Variants in GCNT2 observed in about 807,000 individuals in gnomAD.
GCNT2 encodes the protein glucosaminyl (N-acetyl) transferase 2 (I blood group).
Under a neutral mutation model 34.2 loss-of-function variants are expected in GCNT2, and 34 were observed. That is an observed-to-expected ratio of 1.00 (90% CI 0.76 to 1.32). The LOEUF (loss-of-function observed/expected upper bound fraction) is 1.32. GCNT2 is among the 40% of genes most tolerant of loss of function. The probability of loss-of-function intolerance (pLI) is 0.00; values close to 1 mark genes in which losing one functional copy is unlikely to be tolerated. For synonymous variants in GCNT2, 212 were observed against 188.0 expected (o/e 1.13, Z -1.04); for missense variants, 584 against 489.4 (o/e 1.19, Z -1.82).
rs114408912 is a variant in GCNT2 at position 10,601,032 on chromosome 6, T to G, written c.926-20319T>G. Among the ~76,000 whole-genome samples, 1,156 of 152,278 alleles carry G rather than the reference T, an allele frequency of 7.6e-3. 8 individuals carry two copies. The highest frequency in any genetic ancestry group is 0.012 in the Non-Finnish European group (823 of 68,026). ...GTCTTGAACTCCTGGACCCAAGCAA[T>G]TCACCTGCCTTGGCCTCCCTAAGTG... On this transcript the variant is annotated intron_variant, in intron 3 of 4. Coordinates refer to ENST00000495262, the MANE Select transcript of GCNT2 (RefSeq NM_145649.5).
rs965205115 is a variant in GCNT2, at chr6:10,578,668, A to G, written c.926-42683A>G. On this transcript the variant is annotated intron_variant, in intron 3 of 4. Transcript: ENST00000495262. The stretch of plus-strand genomic sequence containing the variant: ...TCATCGTGTTAGCCAGGATGGTCTC[A>G]ATCTCCTGACCTCGTGATCCGCCTG... Among the ~76,000 whole-genome samples, 4 of 152,008 alleles carry G rather than the reference A, an allele frequency of 2.6e-5. 1 individual carries two copies. The highest frequency in any genetic ancestry group is 1.3e-4 in the Admixed American group (2 of 15,260).
At chr6:10,575,618 G>C (rs1763772285) in intron 3 of GCNT2, among the ~76,000 whole-genome samples, 1 of 152,164 alleles carries the variant, frequency 6.6e-6, no homozygotes, top group Non-Finnish European at 1.5e-5. Context: ...TATATGCCCA[G>C]ATGGCCTGAA....
intron 3 of GCNT2, among the ~76,000 whole-genome samples, chr6:10,617,772 T>TTTTTTTTTTTGA (rs1491521376): frequency 1.1e-5 from 1 of 91,424 alleles, no homozygotes; most frequent in African/African-American, 3.2e-5. Flanking sequence ...TTTTTTTTTT[T>TTTTTTTTTTTGA]GACACAGGGT....
intron 3 of GCNT2, chr6:10,586,316 CT>C (rs768423930): frequency 1.9e-6 from 3 of 1,614,156 alleles, no homozygotes; most frequent in Non-Finnish European, 2.5e-6. Flanking sequence ...ACTTTGACAC[CT>C]TTGAAAGGCT....
At chr6:10,562,949 G>A (rs767541611) in intron 3 of GCNT2, among the ~76,000 whole-genome samples, 23 of 152,074 alleles carry the variant, frequency 1.5e-4, no homozygotes, top group Admixed American at 2.6e-4. Flanking sequence ...ACCAGAAGTC[G>A]GGAGTTCGAG....
At position 10,586,416 on chromosome 6, in the gene GCNT2, T is replaced by A. The variant is rs765904408; in HGVS notation, c.926-34935T>A. On this transcript the variant is annotated intron_variant, in intron 3 of 4. Coordinates refer to ENST00000495262, the MANE Select transcript of GCNT2 (RefSeq NM_145649.5). ...TGAGTATAAGGAATCTGTGAGGCAG[T>A]TACTGAGTTGCTTCCAAAATGCTTT... The A allele has an allele frequency of 3.7e-6, 6 of 1,614,070 alleles. No individual in the cohort carries two copies. In the African/African-American group the frequency reaches 8.0e-5, roughly 22 times the overall value.
intron 3 of GCNT2, among the ~76,000 whole-genome samples, chr6:10,594,488 T>C (rs1764765357): frequency 6.6e-6 from 1 of 152,234 alleles, no homozygotes. Context: ...ATTTTAGCTT[T>C]ATCTCCGTTA....
At chr6:10,617,021 C>T (rs1445223359) in intron 3 of GCNT2, among the ~76,000 whole-genome samples, 3 of 152,250 alleles carry the variant, frequency 2.0e-5, no homozygotes, top group East Asian at 3.9e-4. Context: ...ACCAGGGCCG[C>T]AGGTGGAGCT....
At position 10,528,909 on chromosome 6, in the gene GCNT2, T is replaced by G; in HGVS notation, c.-3T>G. ...AGATATTTTACTCATTTCCTGGTTG[T>G]GAATGATGGGCTCTTGGAAGCACTG... On this transcript the variant is annotated 5_prime_UTR_variant, in exon 3 of 5. Coordinates refer to ENST00000495262, the MANE Select transcript of GCNT2 (RefSeq NM_145649.5). 1.2e-6 allele frequency: 2 copies of G among 1,607,450 alleles called. No homozygotes were observed. Among genetic ancestry groups the G allele is most frequent in the Non-Finnish European group, 1.7e-6 (2 of 1,174,026 alleles).
At chr6:10,578,124 C>T (rs1261261063) in intron 3 of GCNT2, among the ~76,000 whole-genome samples, 1 of 152,054 alleles carries the variant, frequency 6.6e-6, no homozygotes, top group Non-Finnish European at 1.5e-5. Context: ...GGCGCATTGG[C>T]TCACGCCTGT....
intron 3 of GCNT2, among the ~76,000 whole-genome samples, chr6:10,585,262 C>G (rs997010845): frequency 4.6e-5 from 7 of 152,072 alleles, no homozygotes; most frequent in African/African-American, 2.4e-5. Flanking sequence ...TCACTGCAGC[C>G]TTGATCTCCT....
chr6:10,611,020 CAG>C (rs1765526352), intron 3 of GCNT2, among the ~76,000 whole-genome samples: 2 of 152,142 alleles, frequency 1.3e-5, no homozygotes, highest in Admixed American at 1.3e-4. Flanking sequence ...ACCACTGTCT[CAG>C]GGACTACAAA....
intron 3 of GCNT2, among the ~76,000 whole-genome samples, chr6:10,592,563 A>G (rs1223226982): frequency 1.3e-5 from 2 of 152,158 alleles, no homozygotes; most frequent in Non-Finnish European, 2.9e-5. Context: ...CTGACGCTAT[A>G]GCCATTTGTA....
Position 10,621,357 on chromosome 6 carries a change from C to A in GCNT2, c.932C>A (p.Pro311His). ...TTCTTTATCAACATTGCAGGTGTTC[C>A]TGGCTCTATGCCAAATGCATCCTGG... ...WVTLNRIPGVPGSMPNASWTG... is the reference protein window; with the variant it reads ...WVTLNRIPGVHGSMPNASWTG... The change falls in exon 4 of 5, where the codon CCT (proline) becomes CAT (histidine). Residue 311 changes from proline to histidine, a missense_variant. Coordinates refer to ENST00000495262, the MANE Select transcript of GCNT2 (RefSeq NM_145649.5). 4 of 1,607,804 alleles carry A rather than the reference C, an allele frequency of 2.5e-6. No individual in the cohort carries two copies. The highest frequency in any genetic ancestry group is 3.4e-6 in the Non-Finnish European group (4 of 1,174,498).
intron 3 of GCNT2, among the ~76,000 whole-genome samples, chr6:10,591,510 G>C (rs1217420085): frequency 6.6e-6 from 1 of 152,224 alleles, no homozygotes; most frequent in African/African-American, 2.4e-5. Context: ...TCTTTCCTTA[G>C]AAAATGTGGC....
intron 3 of GCNT2, among the ~76,000 whole-genome samples, chr6:10,559,708 C>G (rs1220404213): frequency 6.6e-6 from 1 of 152,250 alleles, no homozygotes; most frequent in African/African-American, 2.4e-5. Flanking sequence ...CTCCAGAGAG[C>G]AACTGCCTGG....
chr6:10,552,421 A>G (rs1235240082), intron 3 of GCNT2, among the ~76,000 whole-genome samples: 1 of 151,674 alleles, frequency 6.6e-6, no homozygotes, highest in African/African-American at 2.4e-5. Flanking sequence ...GTTTCCCCAG[A>G]TCCTGAATCC....
At chr6:10,602,250 G>A (rs9393456) in intron 3 of GCNT2, among the ~76,000 whole-genome samples, 84,094 of 151,970 alleles carry the variant, frequency 0.55, 24,248 homozygotes, top group Admixed American at 0.66. Context: ...TTACCTGTAT[G>A]CACAGCTCAA....
rs1018625818 is a variant in GCNT2, at chr6:10,582,181, A to G, written c.926-39170A>G. 1.8e-3 allele frequency among the ~76,000 whole-genome samples: 243 copies of G among 131,388 alleles called. 1 individual carries two copies. Among genetic ancestry groups the G allele is most frequent in the Admixed American group, 3.2e-3 (37 of 11,494 alleles). 86.2% of individuals were successfully genotyped at this position (131,388 alleles called of 152,430 possible). ...ATGTGTATAAAATATTTTATATAAA[A>G]TATATTTTTATATAATATATAAAAT... On this transcript the variant is annotated intron_variant, in intron 3 of 4. Transcript: ENST00000495262.
Sources: allele counts gnomAD v4.1 joint callset (sites outside exome capture counted in the v4.1 genomes callset), GRCh38; gene constraint gnomAD v4.1.1; transcripts MANE v1.5; gene names NCBI Gene and HGNC (gene_info 2026-07-23, HGNC 2026-07-21).